The following CNTNAP2 variants were observed in gnomAD, a reference collection of about 807,000 sequenced individuals.
CNTNAP2 encodes the protein contactin-associated protein-like 2.
CNTNAP2 carries 98 observed loss-of-function variants against 155.2 expected under a neutral mutation model. The observed-to-expected ratio is 0.63, with a 90% CI of 0.54 to 0.75. The LOEUF (loss-of-function observed/expected upper bound fraction) is 0.75, where lower values mean the gene tolerates loss of function less well. CNTNAP2 is among the 30% of genes least tolerant of loss of function. The pLI is 0.00. For missense variants in CNTNAP2, 1,727 were observed against 1,688.1 expected, an observed-to-expected ratio of 1.02 and a Z score of -0.40; for synonymous variants, 651 against 631.2, an observed-to-expected ratio of 1.03 and a Z score of -0.47.
intron 12 of CNTNAP2, among the ~76,000 whole-genome samples, chr7:147,630,924 G>T (rs906963220): frequency 6.6e-6 from 1 of 152,012 alleles, no homozygotes; most frequent in Non-Finnish European, 1.5e-5. Flanking sequence ...AGAGAAGGAT[G>T]CCCACCCCCA....
intron 10 of CNTNAP2, among the ~76,000 whole-genome samples, chr7:147,410,652 A>G (rs1797088021): frequency 6.6e-6 from 1 of 152,212 alleles, no homozygotes; most frequent in Non-Finnish European, 1.5e-5. Context: ...GCCACTAGCC[A>G]TATGTGGCTA....
In CNTNAP2 at chr7:148,228,113, T is replaced by G. The variant is rs752842205; in HGVS notation, c.3248-1533T>G. 3.0e-4 allele frequency among the ~76,000 whole-genome samples: 46 copies of G among 152,170 alleles called. 2 individuals carry two copies. Among genetic ancestry groups the G allele is most frequent in the Non-Finnish European group, 5.7e-4 (39 of 68,028 alleles). ...GTTCCCCTAAAAAGGAAATGAAAGGTGACAAATAATCCATTAGGTGATTTG... is the reference window on the plus strand; with the variant it reads ...GTTCCCCTAAAAAGGAAATGAAAGGGGACAAATAATCCATTAGGTGATTTG... On this transcript the variant is annotated intron_variant, in intron 19 of 23. Coordinates refer to ENST00000361727, the MANE Select transcript of CNTNAP2 (RefSeq NM_014141.6).
At chr7:147,601,760 T>C (rs1258019815) in intron 12 of CNTNAP2, among the ~76,000 whole-genome samples, 4 of 151,106 alleles carry the variant, frequency 2.6e-5, no homozygotes, top group Admixed American at 1.3e-4. Context: ...TTTCCCTAAT[T>C]GTCCTGTAAT....
intron 13 of CNTNAP2, among the ~76,000 whole-genome samples, chr7:147,815,790 T>G (rs558493873): frequency 6.6e-6 from 1 of 152,188 alleles, no homozygotes; most frequent in East Asian, 1.9e-4. Flanking sequence ...AATCCACGAA[T>G]AGCTTGTATG....
chr7:146,206,465 A>G (rs966463683), intron 1 of CNTNAP2, among the ~76,000 whole-genome samples: 2 of 151,920 alleles, frequency 1.3e-5, no homozygotes, highest in Non-Finnish European at 1.5e-5. Flanking sequence ...CTATTAATCA[A>G]ACTGAAGAAA....
intron 1 of CNTNAP2, among the ~76,000 whole-genome samples, chr7:146,130,335 T>C (rs1011931534): frequency 5.3e-5 from 8 of 152,118 alleles, no homozygotes; most frequent in African/African-American, 1.9e-4. Context: ...TGTGGTGGTG[T>C]GTGTCTGTAC....
intron 1 of CNTNAP2, among the ~76,000 whole-genome samples, chr7:146,564,879 A>G (rs948828064): frequency 1.3e-5 from 2 of 152,068 alleles, no homozygotes; most frequent in Admixed American, 1.3e-4. Context: ...CCCCATAAGC[A>G]AAGTATGATC....
At chr7:146,780,232 C>G (rs572586136) in intron 2 of CNTNAP2, among the ~76,000 whole-genome samples, 10 of 151,868 alleles carry the variant, frequency 6.6e-5, no homozygotes, top group Admixed American at 3.9e-4. Flanking sequence ...GTTGCCCAGG[C>G]TGGAGTGCAG....
Position 146,565,446 on chromosome 7 carries a change from G to A in CNTNAP2, c.98-208825G>A, listed in dbSNP as rs796922881. Among the ~76,000 whole-genome samples, 5 of 151,872 alleles carry A rather than the reference G, an allele frequency of 3.3e-5. No homozygotes were observed. The East Asian group carries it at 5.8e-4, about 18-fold the overall frequency. On this transcript the variant is annotated intron_variant, in intron 1 of 23. Transcript: ENST00000361727. The stretch of plus-strand genomic sequence containing the variant: ...TTCCAGGGATCCTTTCCAGGGATCC[G>A]TTAAGTGCAGTCCATGTTAGAGTTA...
intron 18 of CNTNAP2, among the ~76,000 whole-genome samples, chr7:148,181,989 C>T (rs180748477): frequency 6.6e-6 from 1 of 151,360 alleles, no homozygotes; most frequent in East Asian, 2.0e-4. Context: ...GATCTCCTGA[C>T]CTCGTGATCC....
chr7:146,226,075 C>A (rs958021747), intron 1 of CNTNAP2, among the ~76,000 whole-genome samples: 1 of 152,138 alleles, frequency 6.6e-6, no homozygotes, highest in Non-Finnish European at 1.5e-5. Context: ...TTTCTTAGAA[C>A]AATTCCCAAC....
At chr7:147,708,640 G>T (rs2117012932) in intron 13 of CNTNAP2, among the ~76,000 whole-genome samples, 2 of 152,186 alleles carry the variant, frequency 1.3e-5, no homozygotes, top group Middle Eastern at 6.8e-3. Context: ...ATGAGTTCAT[G>T]GTGGGAACCT....
chr7:146,274,754 T>G (rs77002578), intron 1 of CNTNAP2, among the ~76,000 whole-genome samples: 7 of 150,456 alleles, frequency 4.7e-5, no homozygotes, highest in Non-Finnish European at 1.0e-4. Context: ...TGAGTAAATA[T>G]ATAGAAAACT....
chr7:147,003,290 G>A (rs1357862193), intron 3 of CNTNAP2, among the ~76,000 whole-genome samples: 1 of 151,818 alleles, frequency 6.6e-6, no homozygotes, highest in Non-Finnish European at 1.5e-5. Context: ...GATCTTGTAC[G>A]TAATTATAAT....
intron 12 of CNTNAP2, among the ~76,000 whole-genome samples, chr7:147,621,646 A>G (rs1277192068): frequency 6.6e-6 from 1 of 152,046 alleles, no homozygotes; most frequent in African/African-American, 2.4e-5. Context: ...ATGGATACAC[A>G]CAAAATAAAA....
At chr7:147,160,455 C>T (rs1230820852) in intron 8 of CNTNAP2, among the ~76,000 whole-genome samples, 1 of 152,044 alleles carries the variant, frequency 6.6e-6, no homozygotes, top group Non-Finnish European at 1.5e-5. Context: ...GTGCCTCTGT[C>T]ACTGTCAAGA....
intron 8 of CNTNAP2, among the ~76,000 whole-genome samples, chr7:147,234,360 A>G (rs1803754002): frequency 1.0e-5 from 1 of 100,304 alleles, no homozygotes; most frequent in Non-Finnish European, 1.8e-5. Flanking sequence ...TTTTTTGAGA[A>G]GAAGTCTTGC....
intron 1 of CNTNAP2, among the ~76,000 whole-genome samples, chr7:146,756,109 G>T (rs926601373): frequency 6.6e-6 from 1 of 151,664 alleles, no homozygotes; most frequent in African/African-American, 2.4e-5. Context: ...ATAATATTTT[G>T]ATCTACTCCG....
At chr7:146,916,217 A>G (rs191286302) in intron 3 of CNTNAP2, among the ~76,000 whole-genome samples, 1 of 152,198 alleles carries the variant, frequency 6.6e-6, no homozygotes, top group African/African-American at 2.4e-5. Context: ...GGACTTGGTT[A>G]GCTAGTATTT....
Sources: allele counts gnomAD v4.1 joint callset (sites outside exome capture counted in the v4.1 genomes callset), GRCh38; gene constraint gnomAD v4.1.1; transcripts MANE v1.5; gene names NCBI Gene and HGNC (gene_info 2026-07-23, HGNC 2026-07-21).